Variants in NPAS4 observed in about 807,000 individuals in gnomAD.
NPAS4 encodes neuronal PAS domain protein 4, also known as neuronal PAS domain-containing protein 4.
A neutral mutation model predicts 64.0 loss-of-function variants in NPAS4; 10 were observed. The ratio of observed to expected loss-of-function variants is 0.16; its 90% CI spans 0.10 to 0.26. The LOEUF is 0.26. Ranked by LOEUF, NPAS4 falls within the 10% of genes least tolerant of loss-of-function variation. The pLI, the probability that NPAS4 is intolerant of heterozygous loss-of-function variation, is 1.00. For synonymous variants in NPAS4, 441 were observed against 411.7 expected, an observed-to-expected ratio of 1.07 and a Z score of -0.86; for missense variants, 886 against 992.6, an observed-to-expected ratio of 0.89 and a Z score of 1.44.
At position 66,424,031 on chromosome 11, in the gene NPAS4, C is replaced by T. The variant is rs570079157; in HGVS notation, c.1141C>T (p.Leu381=). 4.3e-6 allele frequency: 7 copies of T among 1,614,182 alleles called. No homozygotes were observed. The highest frequency in any genetic ancestry group is 1.7e-5 in the Admixed American group (1 of 60,018). The part of the protein sequence containing the change: ...RSTSFPSAPE[L]SVVSASEELP... ...CACCAGCTTCCCCAGTGCTCCTGAA[C>T]TGAGTGTTGTCTCTGCATCAGAAGA... Residue 381 remains leucine, a synonymous_variant, in exon 7 of 8, where the codon CTG becomes TTG. Transcript: ENST00000311034.
rs745313492 is a variant in NPAS4, at chr11:66,423,224, A to G, written c.800A>G (p.Tyr267Cys). The stretch of plus-strand genomic sequence containing the variant: ...CTGGCCCACGCTTCTGCTCAACACT[A>G]CCGCCTGTGTGAGTGTCCAGAGAGG... ...EDLAHASAQH[Y>C]RLLAESGDIQ... The change falls in exon 5 of 8, where the codon TAC becomes TGC. Residue 267 changes from tyrosine to cysteine, a missense_variant. Around this residue, in one of 3 missense-constraint regions of NPAS4, gnomAD observed 820 missense variants for 855.5 expected, o/e 0.96. Transcript: ENST00000311034. 2.8e-5 allele frequency: 44 copies of G among 1,597,182 alleles called. No homozygotes were observed. The highest frequency in any genetic ancestry group is 1.2e-4 in the Admixed American group (7 of 58,898).
At chr11:66,423,482 C>A in intron 5 of NPAS4, 96 bp from the exon 6 acceptor site, 1 of 1,448,222 alleles carries the variant, frequency 6.9e-7, no homozygotes, top group Non-Finnish European at 9.6e-7. Context: ...GAGAGGATGT[C>A]ACGGCTATCT....
At chr11:66,415,579 G>A in the NPAS4 span, among the ~76,000 whole-genome samples, 1 of 152,210 alleles carries the variant, frequency 6.6e-6, no homozygotes, top group Non-Finnish European at 1.5e-5. Flanking sequence ...TAGACAATGA[G>A]TAAATGAATG....
the NPAS4 span, among the ~76,000 whole-genome samples, chr11:66,414,946 C>T: frequency 0.42 from 63,159 of 152,140 alleles, 15,534 homozygotes; most frequent in South Asian, 0.65. Context: ...GTTAATCAAC[C>T]TCTCTGAGAA....
chr11:66,423,378 G>C (rs1290064702), intron 5 of NPAS4, 146 bp downstream of exon 5: 2 of 798,946 alleles, frequency 2.5e-6, no homozygotes, highest in Admixed American at 2.1e-5. Context: ...ACATGAAGGT[G>C]AGGATTCAAG....
chr11:66,424,941 T>G lies in NPAS4; in HGVS notation c.2051T>G (p.Leu684Arg), dbSNP rs1330078700. 6.2e-7 allele frequency: 1 copy of G among 1,613,976 alleles called. No homozygotes were observed. The highest frequency in any genetic ancestry group is 8.5e-7 in the Non-Finnish European group (1 of 1,180,012). ...LSGAGPPVLS[L>R]DLKPWKCQEL... is the part of the protein sequence containing the mutation. ...GGGGCAGGCCCCCCTGTGCTCAGCC[T>G]GGACCTGAAACCCTGGAAATGCCAG... The change falls in exon 7 of 8, where the codon CTG becomes CGG. Residue 684 changes from leucine to arginine, a missense_variant. This residue lies in a region of NPAS4 where 820 missense variants were observed against 855.5 expected (regional missense o/e 0.96). Coordinates refer to ENST00000311034, the MANE Select transcript of NPAS4 (RefSeq NM_178864.4).
upstream of NPAS4, among the ~76,000 whole-genome samples, chr11:66,420,688 C>T (rs2134639745): frequency 6.6e-6 from 1 of 152,348 alleles, no homozygotes; most frequent in Non-Finnish European, 1.5e-5. Context: ...TTCAGGCCGC[C>T]CTAAACCTGG....
upstream of NPAS4, chr11:66,420,990 C>T (rs529314841): frequency 7.8e-4 from 444 of 566,256 alleles, 2 homozygotes; most frequent in African/African-American, 8.0e-3. Context: ...ACGAGCCCCC[C>T]ACGCCTGGCA....
In NPAS4 at chr11:66,422,677, G is replaced by A. The variant is rs749039442; in HGVS notation, c.434G>A (p.Arg145His). The change falls in exon 4 of 8, where the codon CGC becomes CAC. Residue 145 changes from arginine (R) to histidine (H), a missense_variant. By Grantham distance (29) the Arg-to-His change is conservative. Coordinates refer to ENST00000311034, the MANE Select transcript of NPAS4 (RefSeq NM_178864.4). The stretch of plus-strand genomic sequence containing the variant: ...GTTTTTCTCTTCATCTATCTAGATC[G>A]CCTCTTCCGCTGCCGCTTCAACACC... The part of the protein sequence containing the change: ...LTLPSALDTD[R>H]LFRCRFNTSK... 7.4e-6 allele frequency: 12 copies of A among 1,613,248 alleles called. No individual in the cohort carries two copies. The highest frequency in any genetic ancestry group is 2.2e-5 in the East Asian group (1 of 44,882).
intron 7 of NPAS4, among the ~76,000 whole-genome samples, 163 bp from the exon 8 acceptor site, chr11:66,425,798 C>T (rs980196398): frequency 2.0e-5 from 3 of 152,192 alleles, no homozygotes; most frequent in Admixed American, 6.5e-5. Flanking sequence ...AGTTTCACTC[C>T]GTCCATCCAA....
chr11:66,410,577 A>G, the NPAS4 span: 3 of 152,254 alleles, frequency 2.0e-5, no homozygotes. Flanking sequence ...GCTCCTCAGC[A>G]CCTGGGCCCC....
At chr11:66,412,002 C>T in the NPAS4 span, among the ~76,000 whole-genome samples, 1 of 152,194 alleles carries the variant, frequency 6.6e-6, no homozygotes, top group African/African-American at 2.4e-5. Context: ...GGGTAGGTGC[C>T]TCATCTGTAA....
At chr11:66,409,846 C>G in the NPAS4 span, 3 of 152,422 alleles carry the variant, frequency 2.0e-5, no homozygotes, top group Non-Finnish European at 4.4e-5. Flanking sequence ...CACCAGCTGC[C>G]TCTCCTTCCC....
At chr11:66,413,014 C>T in the NPAS4 span, among the ~76,000 whole-genome samples, 13 of 152,236 alleles carry the variant, frequency 8.5e-5, no homozygotes, top group African/African-American at 3.1e-4. Context: ...AAGCACTTTA[C>T]GCTGGAGTTG....
At chr11:66,425,347 T>C in intron 7 of NPAS4, 77 bp downstream of exon 7, 1 of 761,436 alleles carries the variant, frequency 1.3e-6, no homozygotes, top group Non-Finnish European at 2.0e-6. Context: ...GGCAAATCAA[T>C]TCCCCCTCTC....
At chr11:66,410,246 G>C in the NPAS4 span, 1 of 152,326 alleles carries the variant, frequency 6.6e-6, no homozygotes, top group South Asian at 2.1e-4. Context: ...ACATCTCTGG[G>C]CTGGTCTCTG....
At chr11:66,418,097 C>A (rs1290377532), upstream of NPAS4, among the ~76,000 whole-genome samples, 2 of 152,182 alleles carry the variant, frequency 1.3e-5, no homozygotes, top group Non-Finnish European at 2.9e-5. Flanking sequence ...CACGCTTGCC[C>A]AGTAGGTTTG....
chr11:66,413,077 C>G, the NPAS4 span, among the ~76,000 whole-genome samples: 1 of 152,330 alleles, frequency 6.6e-6, no homozygotes. Flanking sequence ...GTCTAGTGGA[C>G]AAGAGACAAT....
the NPAS4 span, among the ~76,000 whole-genome samples, chr11:66,412,657 T>G: frequency 1.7e-4 from 26 of 152,264 alleles, no homozygotes; most frequent in Non-Finnish European, 7.3e-5. Flanking sequence ...ACTCCTTTAA[T>G]GCTAACATCA....
Sources: gnomAD v4.1 joint callset for allele counts (sites outside exome capture counted in the v4.1 genomes callset) on GRCh38, gnomAD v4.1.1 for gene constraint, gnomAD v4.1.1 regional missense constraint, MANE v1.5 for transcripts, NCBI Gene and HGNC (gene_info 2026-07-23, HGNC 2026-07-21) for gene names.